ZNF385D: variants seen among roughly 807,000 people sequenced by gnomAD.
ZNF385D encodes zinc finger protein 385D, also known as zinc finger protein 659.
Under a neutral mutation model 35.8 loss-of-function variants are expected in ZNF385D, and 15 were observed. The ratio of observed to expected loss-of-function variants is 0.42; its 90% CI spans 0.28 to 0.64. The LOEUF is 0.64. Ranked by LOEUF, ZNF385D falls within the 30% of genes least tolerant of loss-of-function variation. The pLI is 0.23. For synonymous variants in ZNF385D, 212 were observed against 186.8 expected, an observed-to-expected ratio of 1.13 and a Z score of -1.10; for missense variants, 474 against 494.6, an observed-to-expected ratio of 0.96 and a Z score of 0.39.
intron 1 of ZNF385D, among the ~76,000 whole-genome samples, chr3:21,666,128 T>C (rs913764816): frequency 6.6e-6 from 1 of 152,216 alleles, no homozygotes; most frequent in Non-Finnish European, 1.5e-5. Flanking sequence ...CTCGTATAAA[T>C]TGCCTTTGCA....
intron 3 of ZNF385D, among the ~76,000 whole-genome samples, chr3:22,003,869 C>T (rs1334365727): frequency 7.5e-6 from 1 of 134,208 alleles, no homozygotes; most frequent in Non-Finnish European, 1.7e-5. Flanking sequence ...TCCATCCCCC[C>T]ACCAAAAAAA....
intron 3 of ZNF385D, among the ~76,000 whole-genome samples, chr3:22,009,739 T>A (rs1239530648): frequency 2.6e-5 from 4 of 152,132 alleles, no homozygotes; most frequent in Admixed American, 1.3e-4. Context: ...TTATGAAATT[T>A]ATAAATACCA....
At chr3:22,011,731 G>A (rs1246196235) in intron 3 of ZNF385D, among the ~76,000 whole-genome samples, 1 of 151,896 alleles carries the variant, frequency 6.6e-6, no homozygotes, top group East Asian at 1.9e-4. Flanking sequence ...GAGGAAGGTG[G>A]GAAATTATTA....
chr3:21,723,699 G>A (rs2068636085), intron 1 of ZNF385D, among the ~76,000 whole-genome samples: 1 of 152,138 alleles, frequency 6.6e-6, no homozygotes, highest in Admixed American at 6.5e-5. Context: ...GTGACAGGGA[G>A]AATAGAACCA....
At chr3:22,101,978 C>T (rs865920312) in intron 3 of ZNF385D, among the ~76,000 whole-genome samples, 2 of 151,016 alleles carry the variant, frequency 1.3e-5, no homozygotes, top group Admixed American at 6.7e-5. Context: ...GATCTAGTAT[C>T]CTACTCCCTT....
At chr3:21,721,827 C>A (rs896018216) in intron 1 of ZNF385D, among the ~76,000 whole-genome samples, 4 of 152,134 alleles carry the variant, frequency 2.6e-5, no homozygotes, top group East Asian at 1.9e-4. Context: ...TGGCCAGGCG[C>A]GGTGGCTCAC....
At chr3:22,085,107 C>T (rs1202572916) in intron 3 of ZNF385D, among the ~76,000 whole-genome samples, 2 of 152,116 alleles carry the variant, frequency 1.3e-5, no homozygotes, top group Non-Finnish European at 2.9e-5. Context: ...GCACTAAATG[C>T]TCACAAGAGA....
intron 3 of ZNF385D, among the ~76,000 whole-genome samples, chr3:22,102,760 C>T (rs1702004815): frequency 6.6e-6 from 1 of 152,006 alleles, no homozygotes; most frequent in Admixed American, 6.6e-5. Context: ...AAAGAAAACT[C>T]ATATTCCTTT....
chr3:22,038,388 A>G lies in ZNF385D; in HGVS notation c.325+130429T>C, dbSNP rs1022360603. ...TTATCAGCATGTCCTTGGACTTGTT[A>G]CCTAATTTTTCTTGGCCTCAGTTAC... On this transcript the variant is annotated intron_variant, in intron 3 of 5. Coordinates refer to the ZNF385D transcript ENST00000494108. 4.6e-5 allele frequency among the ~76,000 whole-genome samples: 7 copies of G among 152,282 alleles called. 1 individual carries two copies. Among genetic ancestry groups the G allele is most frequent in the Admixed American group, 4.6e-4 (7 of 15,288 alleles).
chr3:21,908,627 G>T (rs2125909948), intron 3 of ZNF385D, among the ~76,000 whole-genome samples: 1 of 152,206 alleles, frequency 6.6e-6, no homozygotes, highest in South Asian at 2.1e-4. Context: ...GATGGAACCT[G>T]TAAGTCAGGA....
chr3:21,807,349 G>C (rs139983453), intron 3 of ZNF385D, among the ~76,000 whole-genome samples: 176 of 152,096 alleles, frequency 1.2e-3, no homozygotes, highest in African/African-American at 4.1e-3. Flanking sequence ...GAAAATTTTG[G>C]TTTATGACAC....
At chr3:21,537,848 GA>G (rs1209304286) in intron 3 of ZNF385D, among the ~76,000 whole-genome samples, 5 of 152,080 alleles carry the variant, frequency 3.3e-5, no homozygotes, top group African/African-American at 1.2e-4. Flanking sequence ...ATTTTCAACA[GA>G]AAAGCCACCT....
chr3:22,034,497 G>T (rs1436455655), intron 3 of ZNF385D, among the ~76,000 whole-genome samples: 12 of 152,002 alleles, frequency 7.9e-5, no homozygotes, highest in African/African-American at 2.7e-4. Flanking sequence ...ATCTCAAAAA[G>T]CAGAATTTAC....
intron 1 of ZNF385D, among the ~76,000 whole-genome samples, chr3:21,729,697 A>G (rs1329674855): frequency 6.6e-6 from 1 of 152,180 alleles, no homozygotes; most frequent in Non-Finnish European, 1.5e-5. Context: ...AAAGACAGCA[A>G]AAGCCCAGAA....
intron 2 of ZNF385D, among the ~76,000 whole-genome samples, chr3:22,321,164 G>GTTTTTTTTTTTT: frequency 8.8e-4 from 67 of 76,084 alleles, no homozygotes; most frequent in Admixed American, 1.0e-3. Flanking sequence ...TTATGACCTT[G>GTTTTTTTTTTTT]TTTTTTTTTT....
At chr3:21,435,958 C>T in intron 5 of ZNF385D, among the ~76,000 whole-genome samples, 1 of 152,168 alleles carries the variant, frequency 6.6e-6, no homozygotes, top group East Asian at 1.9e-4. Context: ...ACCAGTGCAG[C>T]ACAATGACTG....
intron 3 of ZNF385D, among the ~76,000 whole-genome samples, chr3:21,557,844 G>C (rs931291681): frequency 6.6e-6 from 1 of 151,640 alleles, no homozygotes; most frequent in Non-Finnish European, 1.5e-5. Flanking sequence ...TTCAGAACTT[G>C]TTATTGGGAT....
At chr3:21,710,299 A>C (rs886515820) in intron 1 of ZNF385D, among the ~76,000 whole-genome samples, 25 of 152,212 alleles carry the variant, frequency 1.6e-4, no homozygotes, top group African/African-American at 5.8e-4. Context: ...TTACGAAAAT[A>C]AATAGATAGA....
chr3:21,945,867 T>C (rs1701758430), intron 3 of ZNF385D, among the ~76,000 whole-genome samples: 1 of 152,224 alleles, frequency 6.6e-6, no homozygotes, highest in East Asian at 1.9e-4. Context: ...TAATTATGCT[T>C]CATTTCCTCT....
Sources: allele counts gnomAD v4.1 joint callset (sites outside exome capture counted in the v4.1 genomes callset), GRCh38; gene constraint gnomAD v4.1.1; transcripts MANE v1.5; gene names NCBI Gene and HGNC (gene_info 2026-07-23, HGNC 2026-07-21).